Variants in KMT2C observed in about 807,000 individuals in gnomAD.
KMT2C encodes histone-lysine N-methyltransferase 2C.
Under a neutral mutation model 507.9 loss-of-function variants are expected in KMT2C, and 88 were observed. That is an observed-to-expected ratio of 0.17 (90% CI 0.15 to 0.21). The LOEUF (loss-of-function observed/expected upper bound fraction) is 0.21, where lower values mean the gene tolerates loss of function less well. KMT2C is among the 10% of genes least tolerant of loss of function. KMT2C has a pLI of 1.00. For synonymous variants in KMT2C, 2,049 were observed against 2,080.8 expected (o/e 0.98, Z 0.42); for missense variants, 4,954 against 5,957.8 (o/e 0.83, Z 5.55).
intron 1 of KMT2C, among the ~76,000 whole-genome samples, chr7:152,396,462 A>G (rs1197159507): frequency 6.6e-6 from 1 of 152,172 alleles, no homozygotes; most frequent in Non-Finnish European, 1.5e-5. Flanking sequence ...ACATTAAACC[A>G]ATTAATAGTT....
intron 55 of KMT2C, among the ~76,000 whole-genome samples, chr7:152,140,068 A>G (rs1205429775): frequency 6.6e-6 from 1 of 152,204 alleles, no homozygotes; most frequent in Non-Finnish European, 1.5e-5. Context: ...TGTCTTATGT[A>G]TTAGGCTATC....
chr7:152,398,973 C>T (rs1475913876), intron 1 of KMT2C, among the ~76,000 whole-genome samples: 1 of 151,520 alleles, frequency 6.6e-6, no homozygotes, highest in East Asian at 2.0e-4. Context: ...ACTACAGGTT[C>T]GCACCACCAA....
chr7:152,297,042 A>AAAGG, intron 6 of KMT2C, among the ~76,000 whole-genome samples: 1 of 102,196 alleles, frequency 9.8e-6, no homozygotes, highest in South Asian at 3.4e-4. Flanking sequence ...AGAAAGAAAG[A>AAAGG]AAGAAAGAAA....
intron 1 of KMT2C, among the ~76,000 whole-genome samples, chr7:152,409,563 CAAAAA>C (rs367688749): frequency 2.7e-3 from 266 of 97,412 alleles, no homozygotes; most frequent in Admixed American, 4.0e-3. Flanking sequence ...GCTAAAAATA[CAAAAA>C]AAAAAAAAAA....
chr7:152,307,255 T>TAGGAAGGA (rs1203026089), intron 6 of KMT2C, among the ~76,000 whole-genome samples: 1 of 49,346 alleles, frequency 2.0e-5, no homozygotes, highest in East Asian at 6.0e-4. Flanking sequence ...GGAAGGACGG[T>TAGGAAGGA]AGGAAGGAAG....
chr7:152,356,704 T>C (rs2097154546), intron 2 of KMT2C, among the ~76,000 whole-genome samples: 1 of 148,558 alleles, frequency 6.7e-6, no homozygotes, highest in Non-Finnish European at 1.5e-5. Flanking sequence ...GCCTGGCCAA[T>C]ATGGTGAAAC....
Position 152,260,200 on chromosome 7 carries a change from C to G in KMT2C, c.1299+2816G>C, listed in dbSNP as rs568013494. Among the ~76,000 whole-genome samples the G allele has an allele frequency of 1.1e-4, 17 of 152,230 alleles. No individual in the cohort carries two copies. The South Asian group carries it at 3.3e-3, about 30-fold the overall frequency. On this transcript the variant is annotated intron_variant, in intron 9 of 58. Transcript: ENST00000262189. ...AGCTTTGAACCACCACACTATAGTCCCTTCATAGAACAGGATAAAAAGATT... is the reference window on the plus strand; with the variant it reads ...AGCTTTGAACCACCACACTATAGTCGCTTCATAGAACAGGATAAAAAGATT...
intron 3 of KMT2C, among the ~76,000 whole-genome samples, chr7:152,329,362 C>G (rs1407245828): frequency 6.6e-6 from 1 of 151,784 alleles, no homozygotes; most frequent in Non-Finnish European, 1.5e-5. Flanking sequence ...CCCAGGAGTT[C>G]CAGACCAACC....
chr7:152,272,798 A>G (rs926552724), intron 7 of KMT2C, among the ~76,000 whole-genome samples: 1 of 152,216 alleles, frequency 6.6e-6, no homozygotes, highest in Non-Finnish European at 1.5e-5. Flanking sequence ...CATGTAGACT[A>G]ACTGTATTTG....
chr7:152,234,744 T>C (rs965749725), intron 16 of KMT2C, among the ~76,000 whole-genome samples: 4 of 151,872 alleles, frequency 2.6e-5, no homozygotes, highest in Non-Finnish European at 5.9e-5. Context: ...CTATCAAAAA[T>C]TTTAAAAAAG....
In KMT2C at chr7:152,181,588, T is replaced by C; in HGVS notation, c.6272A>G (p.Asn2091Ser). Residue 2091 changes from asparagine to serine, a missense_variant, in exon 36 of 59, where the codon AAT becomes AGT. By Grantham distance (46) the Asn-to-Ser change is conservative. Around this residue, in one of 29 missense-constraint regions of KMT2C, gnomAD observed 1,689 missense variants for 1,654.3 expected, o/e 1.02. Coordinates refer to ENST00000262189, the MANE Select transcript of KMT2C (RefSeq NM_170606.3). ...AAGGGGAGGCTGACTATATGGATCA[T>C]TTGACTGATTATGAGAAAAATTATC... is the stretch of plus-strand genomic sequence containing the variant. ...PIDNFSHNQS[N>S]DPYSQPPLTP... 6.2e-7 allele frequency: 1 copy of C among 1,614,088 alleles called. No homozygotes were observed. The highest frequency in any genetic ancestry group is 1.1e-5 in the South Asian group (1 of 91,074).
rs769916428 is a variant in KMT2C, at chr7:152,177,667, G to A, written c.7786C>T (p.Arg2596Trp). 13 of 1,613,982 alleles carry A rather than the reference G, an allele frequency of 8.1e-6. No individual in the cohort carries two copies. Among genetic ancestry groups the A allele is most frequent in the African/African-American group, 6.7e-5 (5 of 74,878 alleles). ...SNLRHGNFIP[R>W]PDFPGPRHTD... ...TGTCTAGGGCCCGGAAAGTCTGGCC[G>A]GGGAATGAAGTTTCCATGTCTCAGA... The change falls in exon 38 of 59, where the codon CGG (arginine) becomes TGG (tryptophan). Residue 2596 changes from arginine (R) to tryptophan (W), a missense_variant. Physicochemically the swap from Arg to Trp is moderately radical, Grantham distance 101. Around this residue, in one of 29 missense-constraint regions of KMT2C, gnomAD observed 1,689 missense variants for 1,654.3 expected, o/e 1.02. Transcript: ENST00000262189.
At chr7:152,277,494 C>A (rs745661475) in intron 6 of KMT2C, among the ~76,000 whole-genome samples, 2 of 152,114 alleles carry the variant, frequency 1.3e-5, no homozygotes, top group Non-Finnish European at 2.9e-5. Context: ...TAAGCATAAT[C>A]CTCATTCAAC....
intron 7 of KMT2C, among the ~76,000 whole-genome samples, chr7:152,270,902 G>A (rs999087415): frequency 1.3e-5 from 2 of 152,098 alleles, no homozygotes; most frequent in Admixed American, 1.3e-4. Context: ...TCTTTATAAT[G>A]AGATGCATGC....
At chr7:152,305,969 G>C (rs945980328) in intron 6 of KMT2C, among the ~76,000 whole-genome samples, 2 of 152,046 alleles carry the variant, frequency 1.3e-5, no homozygotes, top group Non-Finnish European at 2.9e-5. Context: ...GCCCTCTCAG[G>C]GGATAGAGGT....
At chr7:152,286,494 T>C (rs1412420993) in intron 6 of KMT2C, among the ~76,000 whole-genome samples, 2 of 152,428 alleles carry the variant, frequency 1.3e-5, no homozygotes, top group East Asian at 1.9e-4. Context: ...TTAGAAACCA[T>C]GGAAGACAGG....
At chr7:152,341,311 A>T (rs948994747) in intron 2 of KMT2C, among the ~76,000 whole-genome samples, 3 of 152,218 alleles carry the variant, frequency 2.0e-5, no homozygotes, top group Admixed American at 1.3e-4. Flanking sequence ...TTCTGAAATG[A>T]TTTGTTACGT....
rs1587750989 is a variant in KMT2C at position 152,156,196 on chromosome 7, T to A, written c.11812+9A>T. 7.4e-6 allele frequency: 12 copies of A among 1,613,844 alleles called. No homozygotes were observed. In the East Asian group the frequency reaches 2.7e-4, roughly 36 times the overall value. ...TCCGAGGTGTGAAATTTGGAGGCTA[T>A]AATCATACCTTCATGGCTCACTAAC... On this transcript the variant is annotated intron_variant, in intron 45 of 58. Coordinates refer to ENST00000262189, the MANE Select transcript of KMT2C (RefSeq NM_170606.3).
At position 152,429,406 on chromosome 7, in the gene KMT2C, A is replaced by G. The variant is rs899008835; in HGVS notation, c.161+6220T>C. ...CTGAGGCTTTTTCTAGAATATTACA[A>G]AGTGCAAAAAGAGCTGTGTCATTTG... On this transcript the variant is annotated intron_variant, in intron 1 of 58. Transcript: ENST00000262189. Among the ~76,000 whole-genome samples, 6 of 152,326 alleles carry G rather than the reference A, an allele frequency of 3.9e-5. No individual in the cohort carries two copies. The East Asian group carries it at 1.2e-3, about 29-fold the overall frequency.
Sources: allele counts gnomAD v4.1 joint callset (sites outside exome capture counted in the v4.1 genomes callset), GRCh38; gene constraint gnomAD v4.1.1; regional missense constraint gnomAD v4.1.1; transcripts MANE v1.5; gene names NCBI Gene and HGNC (gene_info 2026-07-23, HGNC 2026-07-21).